HSPA12A: variants seen among roughly 807,000 people sequenced by gnomAD.
The protein encoded by HSPA12A is heat shock 70 kDa protein 12A.
In HSPA12A, 28 loss-of-function variants were observed where a neutral mutation model predicts 69.2. That is an observed-to-expected ratio of 0.40 (90% CI 0.30 to 0.55). The LOEUF (loss-of-function observed/expected upper bound fraction) is 0.55. Among genes scored for constraint, HSPA12A ranks in the 20% least tolerant of loss-of-function variants. The probability of loss-of-function intolerance (pLI) is 0.38; values close to 1 mark genes in which losing one functional copy is unlikely to be tolerated. For synonymous variants in HSPA12A, 345 were observed against 370.5 expected, an observed-to-expected ratio of 0.93 and a Z score of 0.79; for missense variants, 686 against 900.7, an observed-to-expected ratio of 0.76 and a Z score of 3.05.
intron 2 of HSPA12A, among the ~76,000 whole-genome samples, chr10:116,822,229 G>A (rs904973216): frequency 6.6e-6 from 1 of 152,186 alleles, no homozygotes; most frequent in African/African-American, 2.4e-5. Context: ...CACAGGACAT[G>A]CCACTATAAG....
intron 2 of HSPA12A, among the ~76,000 whole-genome samples, chr10:116,771,734 A>C (rs1206214050): frequency 6.6e-6 from 1 of 152,210 alleles, no homozygotes; most frequent in Non-Finnish European, 1.5e-5. Flanking sequence ...TTTCTCTCCC[A>C]AACAAGGGGC....
intron 1 of HSPA12A, among the ~76,000 whole-genome samples, chr10:116,739,963 C>T (rs60920222): frequency 0.025 from 3,844 of 152,238 alleles, 170 homozygotes; most frequent in African/African-American, 0.087. Context: ...ACCTACCCAC[C>T]AGCAAACCCC....
At chr10:116,776,510 ATTT>A (rs1448574608) in intron 2 of HSPA12A, among the ~76,000 whole-genome samples, 11 of 152,250 alleles carry the variant, frequency 7.2e-5, no homozygotes, top group Admixed American at 1.3e-4. Flanking sequence ...AATTCAGAAA[ATTT>A]TTTTTTTCTT....
At chr10:116,744,045 C>T (rs1431752527), upstream of HSPA12A, among the ~76,000 whole-genome samples, 7 of 152,166 alleles carry the variant, frequency 4.6e-5, no homozygotes, top group Admixed American at 3.9e-4. Flanking sequence ...TTCCTGCCTA[C>T]GTGCCTGCGA....
chr10:116,714,221 T>C lies in HSPA12A; in HGVS notation c.41-6936A>G, dbSNP rs949292060. Among the ~76,000 whole-genome samples, 12 of 152,068 alleles carry C rather than the reference T, an allele frequency of 7.9e-5. No homozygotes were observed. In the South Asian group the frequency reaches 8.3e-4, roughly 11 times the overall value. On this transcript the variant is annotated intron_variant, in intron 1 of 11. Coordinates refer to ENST00000369209, the MANE Select transcript of HSPA12A (RefSeq NM_025015.3). ...AGTGACTATCCACAGACTAAGAGTG[T>C]CAGGGAGTTCTTTCCCAACTGAGGC...
chr10:116,733,531 C>A lies in HSPA12A; in HGVS notation c.40+8899G>T, dbSNP rs1193833019. On this transcript the variant is annotated intron_variant, in intron 1 of 11. Coordinates refer to ENST00000369209, the MANE Select transcript of HSPA12A (RefSeq NM_025015.3). Reference sequence around the variant, plus strand: ...AGGAAGCAAAGGGCACTGGCGTAATCCATTTCCCTCTGAGATCTTGGGTGC... The same window carrying A: ...AGGAAGCAAAGGGCACTGGCGTAATACATTTCCCTCTGAGATCTTGGGTGC... Among the ~76,000 whole-genome samples the A allele has an allele frequency of 3.9e-5, 6 of 152,302 alleles. No individual in the cohort carries two copies. In the South Asian group the frequency reaches 6.2e-4, roughly 16 times the overall value.
At chr10:116,782,557 G>A (rs2133137683) in intron 2 of HSPA12A, among the ~76,000 whole-genome samples, 1 of 152,294 alleles carries the variant, frequency 6.6e-6, no homozygotes, top group Non-Finnish European at 1.5e-5. Context: ...CAACAAGGAT[G>A]ATGCTTAGAG....
chr10:116,715,700 T>C (rs1286799148), intron 1 of HSPA12A, among the ~76,000 whole-genome samples: 2 of 152,254 alleles, frequency 1.3e-5, no homozygotes, highest in African/African-American at 4.8e-5. Context: ...GCCAGTTACA[T>C]GGAAGCTCCC....
chr10:116,732,522 C>T (rs1273772216), intron 1 of HSPA12A, among the ~76,000 whole-genome samples: 1 of 152,014 alleles, frequency 6.6e-6, no homozygotes, highest in Admixed American at 6.6e-5. Flanking sequence ...TAATCAAAAC[C>T]CTTTCAAAAC....
At chr10:116,739,383 C>T (rs781919542) in intron 1 of HSPA12A, among the ~76,000 whole-genome samples, 16 of 152,268 alleles carry the variant, frequency 1.1e-4, no homozygotes, top group East Asian at 3.9e-4. Context: ...TAAAAGTGAA[C>T]GTTTAAAATG....
intron 2 of HSPA12A, among the ~76,000 whole-genome samples, chr10:116,793,761 T>C (rs1844753078): frequency 6.6e-6 from 1 of 151,852 alleles, no homozygotes; most frequent in Admixed American, 6.6e-5. Context: ...AAACAGAATA[T>C]GTAACTTCCA....
intron 2 of HSPA12A, among the ~76,000 whole-genome samples, chr10:116,761,213 C>T (rs543610211): frequency 2.0e-5 from 3 of 151,728 alleles, no homozygotes; most frequent in Admixed American, 6.6e-5. Context: ...AGGCTGGGAG[C>T]GGTGGCTCAT....
chr10:116,712,977 A>AATATATATATATCTATATATATAT (rs1850482915), intron 1 of HSPA12A, among the ~76,000 whole-genome samples: 1 of 80,858 alleles, frequency 1.2e-5, no homozygotes, highest in Admixed American at 1.4e-4. Context: ...TAAAAAATGC[A>AATATATATATATCTATATATATAT]ATATATATAT....
intron 2 of HSPA12A, among the ~76,000 whole-genome samples, chr10:116,776,406 T>G (rs916849205): frequency 4.6e-5 from 7 of 152,232 alleles, no homozygotes; most frequent in Admixed American, 3.3e-4. Flanking sequence ...TCACTTCCAT[T>G]GTATCCAGAA....
At chr10:116,690,901 G>C (rs1554880079) in intron 6 of HSPA12A, among the ~76,000 whole-genome samples, 1 of 152,086 alleles carries the variant, frequency 6.6e-6, no homozygotes, top group Non-Finnish European at 1.5e-5. Flanking sequence ...TCAAAACCAT[G>C]AATCTTGAAT....
intron 2 of HSPA12A, among the ~76,000 whole-genome samples, chr10:116,758,723 G>A (rs1421324200): frequency 6.6e-6 from 1 of 152,072 alleles, no homozygotes; most frequent in African/African-American, 2.4e-5. Flanking sequence ...TTTATCAAAT[G>A]TTTCTCAAAG....
At chr10:116,755,885 G>A (rs1219407327) in intron 2 of HSPA12A, among the ~76,000 whole-genome samples, 1 of 152,030 alleles carries the variant, frequency 6.6e-6, no homozygotes. Context: ...CATCTACTTG[G>A]GAGGCTGAAG....
At chr10:116,781,482 A>G (rs960371053) in intron 2 of HSPA12A, among the ~76,000 whole-genome samples, 1 of 152,084 alleles carries the variant, frequency 6.6e-6, no homozygotes, top group Non-Finnish European at 1.5e-5. Context: ...TCTCAATGAA[A>G]TGTTGCAATA....
chr10:116,803,805 G>A (rs1240323307), intron 2 of HSPA12A, among the ~76,000 whole-genome samples: 4 of 152,220 alleles, frequency 2.6e-5, no homozygotes, highest in African/African-American at 4.8e-5. Flanking sequence ...CGTCTTCTCT[G>A]ACTGCGTGAC....
Sources: allele counts gnomAD v4.1 joint callset (sites outside exome capture counted in the v4.1 genomes callset), GRCh38; gene constraint gnomAD v4.1.1; transcripts MANE v1.5; gene names NCBI Gene and HGNC (gene_info 2026-07-23, HGNC 2026-07-21).